CUL2: variants seen among roughly 807,000 people sequenced by gnomAD.
CUL2 encodes the protein cullin 2.
CUL2 carries 22 observed loss-of-function variants against 110.2 expected under a neutral mutation model. The observed-to-expected ratio is 0.20, with a 90% CI of 0.14 to 0.28. The LOEUF (loss-of-function observed/expected upper bound fraction) is 0.28, where lower values mean the gene tolerates loss of function less well. Among genes scored for constraint, CUL2 ranks in the 10% least tolerant of loss-of-function variants. CUL2 has a pLI of 1.00. For synonymous variants in CUL2, 279 were observed against 293.2 expected, an observed-to-expected ratio of 0.95 and a Z score of 0.49; for missense variants, 631 against 905.5, an observed-to-expected ratio of 0.70 and a Z score of 3.89.
At chr10:35,115,599 A>G (rs553720653) in intron 1 of CUL2, among the ~76,000 whole-genome samples, 1 of 152,110 alleles carries the variant, frequency 6.6e-6, no homozygotes, top group South Asian at 2.1e-4. Context: ...TAATTAATCT[A>G]AATGTTGGTT....
intron 1 of CUL2, among the ~76,000 whole-genome samples, chr10:35,123,926 A>G (rs557898148): frequency 1.1e-4 from 17 of 152,368 alleles, no homozygotes; most frequent in African/African-American, 3.8e-4. Context: ...AGGACAGTAT[A>G]GAAGATGATG....
rs201206980 is a variant in CUL2 at position 35,021,595 on chromosome 10, ATCCT to A, written c.1684+3533_1684+3536del. Among the ~76,000 whole-genome samples the A allele has an allele frequency of 6.2e-3, 925 of 150,308 alleles. 13 individuals are homozygous for A. Among genetic ancestry groups the A allele is most frequent in the African/African-American group, 0.021 (875 of 40,970 alleles). On this transcript the variant is annotated intron_variant, in intron 17 of 20. Coordinates refer to ENST00000374749, the MANE Select transcript of CUL2 (RefSeq NM_003591.4). Reference sequence around the variant, plus strand: ...CCATTTCATTTACATATACATGTATATCCTTCCTTCCTTCCTTCTTTCATTTATT... The same window carrying A: ...CCATTTCATTTACATATACATGTATATCCTTCCTTCCTTCTTTCATTTATT...
At chr10:35,070,656 C>T (rs543511601) in intron 2 of CUL2, among the ~76,000 whole-genome samples, 1 of 152,126 alleles carries the variant, frequency 6.6e-6, no homozygotes, top group Non-Finnish European at 1.5e-5. Flanking sequence ...ACTTCCACCC[C>T]AGTCACTGAA....
At chr10:35,062,426 C>T (rs570091473) in intron 3 of CUL2, among the ~76,000 whole-genome samples, 21 of 152,232 alleles carry the variant, frequency 1.4e-4, no homozygotes, top group African/African-American at 4.8e-4. Flanking sequence ...ATCCAGAGGA[C>T]GTAGGAGCAC....
intron 2 of CUL2, 21 bp downstream of exon 2, chr10:35,071,178 A>C: frequency 6.2e-7 from 1 of 1,606,320 alleles, no homozygotes; most frequent in Non-Finnish European, 8.5e-7. Context: ...AACATTGATC[A>C]AGCTGCCATT....
At chr10:35,042,976 T>C (rs556005420) in intron 8 of CUL2, among the ~76,000 whole-genome samples, 1 of 151,974 alleles carries the variant, frequency 6.6e-6, no homozygotes, top group Non-Finnish European at 1.5e-5. Context: ...AGAGTTGAAC[T>C]GGAGGACACC....
At chr10:35,103,155 G>A (rs1193942192) in intron 1 of CUL2, among the ~76,000 whole-genome samples, 1 of 151,272 alleles carries the variant, frequency 6.6e-6, no homozygotes, top group African/African-American at 2.4e-5. Context: ...ATTTTTTTTT[G>A]TTTTTGAGAC....
chr10:35,087,720 C>T (rs1045429344), intron 1 of CUL2, among the ~76,000 whole-genome samples: 3 of 152,228 alleles, frequency 2.0e-5, no homozygotes, highest in Admixed American at 6.5e-5. Flanking sequence ...GTATCTTCAA[C>T]TCCAAAATAA....
At chr10:35,056,570 G>A (rs930828127) in intron 4 of CUL2, among the ~76,000 whole-genome samples, 3 of 152,112 alleles carry the variant, frequency 2.0e-5, no homozygotes, top group East Asian at 1.9e-4. Flanking sequence ...ATTCAACATC[G>A]GCTGAGGGTA....
intron 1 of CUL2, among the ~76,000 whole-genome samples, chr10:35,115,386 C>T (rs2087581828): frequency 6.7e-6 from 1 of 150,018 alleles, no homozygotes; most frequent in East Asian, 2.0e-4. Flanking sequence ...ATAATGAAAC[C>T]CCGTCTCTAC....
At chr10:35,077,324 A>G (rs2086844320) in intron 1 of CUL2, among the ~76,000 whole-genome samples, 1 of 145,180 alleles carries the variant, frequency 6.9e-6, no homozygotes, top group Non-Finnish European at 1.5e-5. Flanking sequence ...AAAACAAACA[A>G]ACAAACAAAA....
intron 2 of CUL2, among the ~76,000 whole-genome samples, chr10:35,099,860 AG>A (rs2087352629): frequency 6.6e-6 from 1 of 152,178 alleles, no homozygotes; most frequent in South Asian, 2.1e-4. Flanking sequence ...GTAAGCCAAA[AG>A]AAAAAAAGAA....
chr10:35,066,825 G>A (rs2086541191), intron 2 of CUL2, among the ~76,000 whole-genome samples: 1 of 152,152 alleles, frequency 6.6e-6, no homozygotes. Flanking sequence ...TTTCCCATCT[G>A]TAAAATCTAA....
intron 1 of CUL2, among the ~76,000 whole-genome samples, chr10:35,085,306 T>A (rs2135057772): frequency 6.6e-6 from 1 of 151,840 alleles, no homozygotes; most frequent in Non-Finnish European, 1.5e-5. Flanking sequence ...GGCGGCTGCC[T>A]GTAGTCCCAG....
chr10:35,013,560 C>A, intron 19 of CUL2, 139 bp downstream of exon 19: 1 of 558,592 alleles, frequency 1.8e-6, no homozygotes, highest in Non-Finnish European at 3.1e-6. Flanking sequence ...TTAATAAATG[C>A]CAACAACAAA....
At chr10:35,080,878 C>T (rs146460678) in intron 1 of CUL2, among the ~76,000 whole-genome samples, 38 of 152,056 alleles carry the variant, frequency 2.5e-4, no homozygotes, top group Middle Eastern at 6.8e-3. Flanking sequence ...AAGGGTGACA[C>T]GGTGGGGAGT....
chr10:35,071,121 A>G, intron 2 of CUL2, 78 bp downstream of exon 2: 2 of 1,407,850 alleles, frequency 1.4e-6, no homozygotes, highest in South Asian at 2.5e-5. Context: ...AAGTTCTTCC[A>G]TAACATTGAA....
At chr10:35,119,799 G>A (rs2087656293) in intron 1 of CUL2, among the ~76,000 whole-genome samples, 1 of 151,880 alleles carries the variant, frequency 6.6e-6, no homozygotes, top group Non-Finnish European at 1.5e-5. Context: ...CGAACTCCTG[G>A]CTTCAAGCAG....
chr10:35,026,854 T>C (rs1347925789), intron 16 of CUL2, among the ~76,000 whole-genome samples: 2 of 152,084 alleles, frequency 1.3e-5, no homozygotes, highest in African/African-American at 4.8e-5. Flanking sequence ...ATTATTATAC[T>C]TTAAGTTTTA....
Sources: gnomAD v4.1 joint callset for allele counts (sites outside exome capture counted in the v4.1 genomes callset) on GRCh38, gnomAD v4.1.1 for gene constraint, MANE v1.5 for transcripts, NCBI Gene and HGNC (gene_info 2026-07-23, HGNC 2026-07-21) for gene names.